IMMP2L: variants seen among roughly 807,000 people sequenced by gnomAD.
IMMP2L encodes the protein inner mitochondrial membrane peptidase subunit 2, also known as mitochondrial inner membrane protease subunit 2.
A neutral mutation model predicts 19.3 loss-of-function variants in IMMP2L; 18 were observed. The observed-to-expected ratio is 0.93, with a 90% CI of 0.64 to 1.38. IMMP2L has a LOEUF of 1.38. Ranked by LOEUF, IMMP2L falls within the 40% of genes most tolerant of loss-of-function variation. The probability of loss-of-function intolerance (pLI) is 0.00; values close to 1 mark genes in which losing one functional copy is unlikely to be tolerated. For missense variants in IMMP2L, 233 were observed against 218.2 expected, an observed-to-expected ratio of 1.07 and a Z score of -0.43; for synonymous variants, 76 against 73.0, an observed-to-expected ratio of 1.04 and a Z score of -0.21.
intron 3 of IMMP2L, among the ~76,000 whole-genome samples, chr7:111,328,186 C>A (rs1310622010): frequency 6.6e-6 from 1 of 151,700 alleles, no homozygotes; most frequent in African/African-American, 2.4e-5. Context: ...CCTATAAGCT[C>A]TTAAAAGTTA....
chr7:110,755,115 C>T (rs1343769380), intron 5 of IMMP2L, among the ~76,000 whole-genome samples: 1 of 152,018 alleles, frequency 6.6e-6, no homozygotes, highest in Admixed American at 6.6e-5. Flanking sequence ...CTTTTAATTA[C>T]ATATGGTCAA....
chr7:111,242,572 T>A (rs1305672253), intron 3 of IMMP2L, among the ~76,000 whole-genome samples: 1 of 151,994 alleles, frequency 6.6e-6, no homozygotes, highest in Non-Finnish European at 1.5e-5. Flanking sequence ...CCCACGTACT[T>A]TTTGCATCGG....
At chr7:110,694,497 T>G (rs1793731998) in intron 5 of IMMP2L, among the ~76,000 whole-genome samples, 1 of 152,220 alleles carries the variant, frequency 6.6e-6, no homozygotes, top group South Asian at 2.1e-4. Flanking sequence ...AGGTCCTTAA[T>G]TGCCTTTGAG....
At chr7:110,725,411 T>C (rs1408280857) in intron 5 of IMMP2L, among the ~76,000 whole-genome samples, 1 of 152,154 alleles carries the variant, frequency 6.6e-6, no homozygotes, top group Admixed American at 6.5e-5. Flanking sequence ...CCTTTGGAAA[T>C]AGATGAAAGA....
rs71147477 is a variant in IMMP2L, at chr7:111,485,597, CAAAA to C, written c.239+1637_239+1640del. ...TGCGCAACAGAGCGAGACTCTGTTT[CAAAA>C]AAAAAAAAAAAAAAAAAAAAAAAAC... is the stretch of plus-strand genomic sequence containing the variant. On this transcript the variant is annotated intron_variant, in intron 3 of 5. Coordinates refer to ENST00000405709, the MANE Select transcript of IMMP2L (RefSeq NM_032549.4). Among the ~76,000 whole-genome samples the C allele has an allele frequency of 9.5e-4, 48 of 50,586 alleles. 1 individual carries two copies. The highest frequency in any genetic ancestry group is 3.9e-3 in the African/African-American group (46 of 11,680). The allele number at this position is 50,586 out of a possible 152,430, so 33.2% of individuals were successfully genotyped here.
In IMMP2L at chr7:110,830,915, C is replaced by G. The variant is rs1417567056; in HGVS notation, c.408+55678G>C. 2.0e-5 allele frequency among the ~76,000 whole-genome samples: 3 copies of G among 152,252 alleles called. No homozygotes were observed. In the East Asian group the frequency reaches 5.8e-4, roughly 29 times the overall value. ...GACGTATAGCAGCTTAGAGCAAACA[C>G]AGGCTTAGAACAACTCAAGTCTATT... On this transcript the variant is annotated intron_variant, in intron 5 of 5. Transcript: ENST00000405709.
At chr7:111,069,180 C>T (rs912376453) in intron 3 of IMMP2L, among the ~76,000 whole-genome samples, 1 of 152,132 alleles carries the variant, frequency 6.6e-6, no homozygotes, top group Non-Finnish European at 1.5e-5. Context: ...AGATTCCTTC[C>T]TTTGTACCAA....
Position 111,496,789 on chromosome 7 carries a change from G to A in IMMP2L, c.136-9448C>T, listed in dbSNP as rs182269632. Among the ~76,000 whole-genome samples, 601 of 152,182 alleles carry A rather than the reference G, an allele frequency of 3.9e-3. 4 individuals carry two copies. The highest frequency in any genetic ancestry group is 6.3e-3 in the Non-Finnish European group (431 of 67,994). The stretch of plus-strand genomic sequence containing the variant: ...TCTGAGGCCTTCAGACTTGGACTGA[G>A]CCAAGCTACCTGGACCTCCAGCTTG... On this transcript the variant is annotated intron_variant, in intron 2 of 5. Transcript: ENST00000405709.
intron 4 of IMMP2L, among the ~76,000 whole-genome samples, chr7:110,901,726 G>C (rs1811883255): frequency 6.6e-6 from 1 of 152,166 alleles, no homozygotes; most frequent in South Asian, 2.1e-4. Flanking sequence ...GCTATTTGTT[G>C]CTATCCTGAT....
intron 3 of IMMP2L, among the ~76,000 whole-genome samples, chr7:111,079,165 T>C (rs1795670707): frequency 6.6e-6 from 1 of 151,206 alleles, no homozygotes; most frequent in African/African-American, 2.4e-5. Flanking sequence ...TCGCCCAGGC[T>C]GGAGTGCAGT....
intron 3 of IMMP2L, among the ~76,000 whole-genome samples, chr7:111,297,865 C>G (rs1293843465): frequency 6.6e-6 from 1 of 151,882 alleles, no homozygotes; most frequent in Non-Finnish European, 1.5e-5. Context: ...AAAATGAATC[C>G]ACTGTGACAA....
intron 5 of IMMP2L, among the ~76,000 whole-genome samples, chr7:110,840,873 T>A (rs1329166457): frequency 6.6e-6 from 1 of 152,094 alleles, no homozygotes. Flanking sequence ...CATAGAATAT[T>A]TTAAGCTCTC....
intron 1 of IMMP2L, among the ~76,000 whole-genome samples, chr7:111,523,650 T>A (rs1846564910): frequency 6.6e-6 from 1 of 152,116 alleles, no homozygotes; most frequent in Non-Finnish European, 1.5e-5. Context: ...TTTTTATACC[T>A]AATCAAAATA....
intron 3 of IMMP2L, chr7:111,124,813 A>C (rs1184173448): frequency 6.2e-7 from 1 of 1,613,240 alleles, no homozygotes; most frequent in South Asian, 1.1e-5. Flanking sequence ...TCCTCCTCTG[A>C]TAAATCTCTG....
chr7:111,054,553 T>C (rs1247212856), intron 3 of IMMP2L, among the ~76,000 whole-genome samples: 2 of 152,202 alleles, frequency 1.3e-5, no homozygotes, highest in Non-Finnish European at 2.9e-5. Context: ...CCTGCAGACA[T>C]CCATGAGGTA....
At chr7:110,790,876 G>C (rs1800415335) in intron 5 of IMMP2L, among the ~76,000 whole-genome samples, 1 of 151,426 alleles carries the variant, frequency 6.6e-6, no homozygotes, top group Admixed American at 6.6e-5. Flanking sequence ...AATATGCAAA[G>C]AGACCAATAA....
At chr7:111,057,343 G>T (rs575293807) in intron 3 of IMMP2L, among the ~76,000 whole-genome samples, 1 of 151,974 alleles carries the variant, frequency 6.6e-6, no homozygotes, top group African/African-American at 2.4e-5. Context: ...TCAGAGAAAA[G>T]AAGACGATAC....
chr7:111,362,580 C>A (rs1829364018), intron 3 of IMMP2L, among the ~76,000 whole-genome samples: 1 of 152,004 alleles, frequency 6.6e-6, no homozygotes, highest in Admixed American at 6.6e-5. Context: ...CCTTCAAAAT[C>A]ACATAGCTTA....
intron 3 of IMMP2L, among the ~76,000 whole-genome samples, chr7:111,402,438 C>T (rs1034438662): frequency 5.3e-5 from 8 of 152,058 alleles, no homozygotes; most frequent in Non-Finnish European, 8.8e-5. Context: ...CAGATGGGCA[C>T]GGTGGCTCAC....
Sources: gnomAD v4.1 joint callset for allele counts (sites outside exome capture counted in the v4.1 genomes callset) on GRCh38, gnomAD v4.1.1 for gene constraint, MANE v1.5 for transcripts, NCBI Gene and HGNC (gene_info 2026-07-23, HGNC 2026-07-21) for gene names.